Variants in OR51B5 observed in about 807,000 individuals in gnomAD.
OR51B5 encodes olfactory receptor family 51 subfamily B member 5.
For missense variants in OR51B5, 456 were observed against 374.6 expected, an observed-to-expected ratio of 1.22 and a Z score of -1.79; for synonymous variants, 186 against 144.8, an observed-to-expected ratio of 1.28 and a Z score of -2.04.
intron 1 of OR51B5, among the ~76,000 whole-genome samples, chr11:5,436,959 C>T (rs12804310): frequency 0.13 from 19,147 of 152,090 alleles, 1,647 homozygotes; most frequent in Non-Finnish European, 0.19. Flanking sequence ...GAGGAGGCTG[C>T]CTTTATGCCT....
At chr11:5,419,703 G>A (rs975858834) in intron 1 of OR51B5, among the ~76,000 whole-genome samples, 38 of 151,962 alleles carry the variant, frequency 2.5e-4, no homozygotes, top group African/African-American at 2.4e-4. Flanking sequence ...ATCGAGAAAC[G>A]ATGATACTTC....
downstream of OR51B5, chr11:5,342,570 CTG>C (rs1564911555): frequency 6.4e-7 from 1 of 1,556,970 alleles, no homozygotes. Flanking sequence ...GTGAGAGTGA[CTG>C]TGATGATTGG....
At chr11:5,476,490 G>T (rs1438745099) in intron 1 of OR51B5, among the ~76,000 whole-genome samples, 1 of 152,098 alleles carries the variant, frequency 6.6e-6, no homozygotes, top group Non-Finnish European at 1.5e-5. Context: ...GACATGTTTA[G>T]GTGCCCAAAA....
chr11:5,422,547 T>C, intron 1 of OR51B5: 1 of 1,614,110 alleles, frequency 6.2e-7, no homozygotes, highest in Non-Finnish European at 8.5e-7. Context: ...GAGTCTTCTG[T>C]CCTCCTGGCT....
chr11:5,367,756 G>A (rs992756151), intron 1 of OR51B5, among the ~76,000 whole-genome samples: 1 of 152,124 alleles, frequency 6.6e-6, no homozygotes, highest in African/African-American at 2.4e-5. Context: ...AGTTGCTCTG[G>A]TTCAAATGCC....
At chr11:5,390,572 C>A in intron 1 of OR51B5, 1 of 547,768 alleles carries the variant, frequency 1.8e-6, no homozygotes, top group Non-Finnish European at 3.2e-6. Context: ...AATGGCTCCT[C>A]CTACAGCTGA....
chr11:5,352,595 T>G, intron 1 of OR51B5: 1 of 606,898 alleles, frequency 1.6e-6, no homozygotes, highest in Non-Finnish European at 2.9e-6. Context: ...CTCTGCTACT[T>G]AGAACATTAT....
intron 1 of OR51B5, among the ~76,000 whole-genome samples, chr11:5,414,785 G>A (rs1477803636): frequency 1.3e-5 from 2 of 152,166 alleles, no homozygotes; most frequent in South Asian, 2.1e-4. Context: ...CAAGTCCTTA[G>A]TGACCTACAA....
intron 1 of OR51B5, among the ~76,000 whole-genome samples, chr11:5,435,103 A>G (rs1850575189): frequency 6.6e-6 from 1 of 152,210 alleles, no homozygotes; most frequent in East Asian, 1.9e-4. Flanking sequence ...TCAGTGATAA[A>G]CTTAATAGGC....
intron 1 of OR51B5, among the ~76,000 whole-genome samples, chr11:5,398,812 T>C (rs1849922399): frequency 6.6e-6 from 1 of 152,184 alleles, no homozygotes; most frequent in Non-Finnish European, 1.5e-5. Flanking sequence ...CTGCTTCTCC[T>C]TCTGCCATAA....
At chr11:5,502,594 T>C (rs902685684) in intron 1 of OR51B5, among the ~76,000 whole-genome samples, 3 of 152,210 alleles carry the variant, frequency 2.0e-5, no homozygotes, top group Admixed American at 6.5e-5. Flanking sequence ...ATTTGTGTAA[T>C]AGAAGTGAGA....
chr11:5,490,473 C>A (rs940958111), intron 1 of OR51B5, among the ~76,000 whole-genome samples: 1 of 152,114 alleles, frequency 6.6e-6, no homozygotes, highest in Non-Finnish European at 1.5e-5. Context: ...ATTTTGAGGT[C>A]TCTTTCCTTT....
At chr11:5,472,573 C>T (rs978235858) in intron 1 of OR51B5, among the ~76,000 whole-genome samples, 1 of 152,180 alleles carries the variant, frequency 6.6e-6, no homozygotes, top group African/African-American at 2.4e-5. Flanking sequence ...CAAGAGGTAG[C>T]TGGGCAGCAG....
chr11:5,451,086 C>T (rs936093086), intron 1 of OR51B5, among the ~76,000 whole-genome samples: 9 of 152,206 alleles, frequency 5.9e-5, no homozygotes, highest in Non-Finnish European at 8.8e-5. Flanking sequence ...TGTAAAGTTC[C>T]TTGCAGAGCA....
intron 1 of OR51B5, among the ~76,000 whole-genome samples, chr11:5,380,187 G>T (rs117950350): frequency 6.6e-6 from 1 of 152,134 alleles, no homozygotes; most frequent in Admixed American, 6.5e-5. Context: ...AGGATGTTAC[G>T]AAAGAAGGCG....
intron 1 of OR51B5, among the ~76,000 whole-genome samples, chr11:5,475,771 C>T (rs180901435): frequency 7.7e-4 from 118 of 152,262 alleles, no homozygotes; most frequent in Middle Eastern, 3.4e-3. Flanking sequence ...ATTAGGCATA[C>T]AACTAATATT....
intron 1 of OR51B5, among the ~76,000 whole-genome samples, chr11:5,413,662 CA>C (rs1338645378): frequency 6.6e-6 from 1 of 152,084 alleles, no homozygotes; most frequent in Non-Finnish European, 1.5e-5. Context: ...CCAATGCAAT[CA>C]ACTGGAAGAA....
chr11:5,417,253 T>A (rs560658407), intron 1 of OR51B5, among the ~76,000 whole-genome samples: 3 of 148,560 alleles, frequency 2.0e-5, no homozygotes, highest in South Asian at 4.4e-4. Flanking sequence ...GATCCCTTCC[T>A]TACACCTTAT....
intron 1 of OR51B5, among the ~76,000 whole-genome samples, chr11:5,490,084 A>C (rs527732980): frequency 1.3e-5 from 2 of 152,350 alleles, no homozygotes; most frequent in South Asian, 2.1e-4. Flanking sequence ...CACAAAGTAT[A>C]AAGTCAGAGT....
Sources: allele counts gnomAD v4.1 joint callset (sites outside exome capture counted in the v4.1 genomes callset), GRCh38; gene constraint gnomAD v4.1.1; transcripts MANE v1.5; gene names NCBI Gene and HGNC (gene_info 2026-07-23, HGNC 2026-07-21).